ZC3H12B: variants seen among roughly 807,000 people sequenced by gnomAD.
ZC3H12B encodes the protein probable ribonuclease ZC3H12B.
Under a neutral mutation model 43.9 loss-of-function variants are expected in ZC3H12B, and 7 were observed. The observed-to-expected ratio is 0.16, with a 90% CI of 0.09 to 0.30. The LOEUF is 0.30. Ranked by LOEUF, ZC3H12B falls within the 10% of genes least tolerant of loss-of-function variation. The pLI, the probability that ZC3H12B is intolerant of heterozygous loss-of-function variation, is 1.00. For synonymous variants in ZC3H12B, 222 were observed against 241.7 expected (o/e 0.92, Z 0.76); for missense variants, 475 against 670.2 (o/e 0.71, Z 3.22).
chrX:65,310,992 A>G, the ZC3H12B span, among the ~76,000 whole-genome samples: 2 of 112,572 alleles, frequency 1.8e-5, no homozygotes, highest in Non-Finnish European at 3.7e-5. Flanking sequence ...TACAAAAATT[A>G]ATTCAAGATG....
the ZC3H12B span, among the ~76,000 whole-genome samples, chrX:65,142,459 G>T: frequency 8.9e-6 from 1 of 112,194 alleles, no homozygotes; most frequent in Non-Finnish European, 1.9e-5. Flanking sequence ...CAGGTTGTCT[G>T]TTTACTTTGC....
chrX:65,329,443 A>T, the ZC3H12B span, among the ~76,000 whole-genome samples: 10 of 102,455 alleles, frequency 9.8e-5, no homozygotes. Context: ...TAGATTCTGG[A>T]TATTAGCCCT....
At chrX:65,392,048 G>A (rs113375953) in intron 2 of ZC3H12B, among the ~76,000 whole-genome samples, 9,218 of 111,401 alleles carry the variant, frequency 0.083, 1,029 homozygotes, top group African/African-American at 0.29. Flanking sequence ...ATTGCAGATG[G>A]AGTCTCGCTC....
the ZC3H12B span, among the ~76,000 whole-genome samples, chrX:65,152,618 A>C: frequency 1.8e-5 from 2 of 111,669 alleles, no homozygotes; most frequent in Non-Finnish European, 3.8e-5. Flanking sequence ...TTCCATGCTC[A>C]TGGGTAGGAA....
At chrX:65,314,172 C>T in the ZC3H12B span, among the ~76,000 whole-genome samples, 1 of 110,292 alleles carries the variant, frequency 9.1e-6, no homozygotes, top group African/African-American at 3.3e-5. Flanking sequence ...ACATGTGGAA[C>T]AATATCACAA....
chrX:65,273,038 A>G, the ZC3H12B span: 1 of 112,110 alleles, frequency 8.9e-6, no homozygotes, highest in Non-Finnish European at 1.9e-5. Flanking sequence ...TCTGGATAAC[A>G]CTGGCTGACT....
At chrX:65,256,611 A>G in the ZC3H12B span, among the ~76,000 whole-genome samples, 3 of 111,552 alleles carry the variant, frequency 2.7e-5, no homozygotes, top group African/African-American at 9.8e-5. Context: ...TAACAACATA[A>G]CATTTCACCT....
chrX:65,149,156 G>A, the ZC3H12B span, among the ~76,000 whole-genome samples: 3 of 111,224 alleles, frequency 2.7e-5, no homozygotes, highest in Non-Finnish European at 5.6e-5. Context: ...AATCTCAGAA[G>A]CCTTAAGCTT....
the ZC3H12B span, among the ~76,000 whole-genome samples, chrX:65,251,094 T>C: frequency 0.23 from 25,878 of 111,493 alleles, 7,183 homozygotes; most frequent in African/African-American, 0.8. Flanking sequence ...TCCTTTAATA[T>C]ATCTTGAATT....
chrX:65,319,524 T>A, the ZC3H12B span, among the ~76,000 whole-genome samples: 4 of 111,796 alleles, frequency 3.6e-5, no homozygotes, highest in Non-Finnish European at 5.6e-5. Flanking sequence ...CCATTTCTAC[T>A]GAAACTATTC....
chrX:65,341,231 T>A, the ZC3H12B span, among the ~76,000 whole-genome samples: 24 of 112,140 alleles, frequency 2.1e-4, no homozygotes, highest in African/African-American at 7.4e-4. Context: ...ATACTATGAC[T>A]CATTGGTGTC....
At chrX:65,074,378 C>A in the ZC3H12B span, among the ~76,000 whole-genome samples, 1 of 110,638 alleles carries the variant, frequency 9.0e-6, no homozygotes, top group African/African-American at 3.3e-5. Flanking sequence ...ATGTCATGAG[C>A]CACTTCTTCT....
At chrX:65,154,555 A>G in the ZC3H12B span, among the ~76,000 whole-genome samples, 7 of 112,181 alleles carry the variant, frequency 6.2e-5, no homozygotes, top group African/African-American at 2.0e-4. Flanking sequence ...TTTCTCTGAT[A>G]GTAATGTGAA....
the ZC3H12B span, among the ~76,000 whole-genome samples, chrX:65,046,351 A>G: frequency 8.9e-6 from 1 of 112,114 alleles, no homozygotes; most frequent in African/African-American, 3.2e-5. Flanking sequence ...GATCTTCTGG[A>G]TAACTTGCTG....
At chrX:65,438,148 G>C (rs1431752382) in intron 3 of ZC3H12B, among the ~76,000 whole-genome samples, 1 of 111,905 alleles carries the variant, frequency 8.9e-6, no homozygotes, top group Non-Finnish European at 1.9e-5. Context: ...TTTGAAGTCA[G>C]GCAATGTGAT....
chrX:65,502,279 T>A (rs1307529848), exon 5 of ZC3H12B: 21 of 1,209,460 alleles, frequency 1.7e-5, no homozygotes, highest in Non-Finnish European at 2.1e-5. Context: ...ATGGGACCCC[T>A]ATTAGCTATG....
At chrX:65,324,489 T>C in the ZC3H12B span, among the ~76,000 whole-genome samples, 1 of 111,780 alleles carries the variant, frequency 8.9e-6, no homozygotes, top group Non-Finnish European at 1.9e-5. Flanking sequence ...TCCATAAGTT[T>C]GGTATAATAT....
chrX:65,190,186 T>G, the ZC3H12B span, among the ~76,000 whole-genome samples: 1 of 110,624 alleles, frequency 9.0e-6, no homozygotes, highest in African/African-American at 3.3e-5. Context: ...TACCATGCTG[T>G]TTTGGTTACT....
chrX:65,175,785 G>T, the ZC3H12B span, among the ~76,000 whole-genome samples: 1 of 112,040 alleles, frequency 8.9e-6, no homozygotes, highest in Non-Finnish European at 1.9e-5. Flanking sequence ...GAAGCTCAAG[G>T]GGTTGGGAAA....
Sources: gnomAD v4.1 joint callset for allele counts (sites outside exome capture counted in the v4.1 genomes callset) on GRCh38, gnomAD v4.1.1 for gene constraint, MANE v1.5 for transcripts, NCBI Gene and HGNC (gene_info 2026-07-23, HGNC 2026-07-21) for gene names.